Variants in EDA observed in about 807,000 individuals in gnomAD.
EDA encodes ectodysplasin-A.
A neutral mutation model predicts 23.6 loss-of-function variants in EDA; 2 were observed. The ratio of observed to expected loss-of-function variants is 0.08; its 90% CI spans 0.03 to 0.27. The LOEUF (loss-of-function observed/expected upper bound fraction) is 0.27. EDA is among the 10% of genes least tolerant of loss of function. EDA has a pLI of 1.00. For synonymous variants in EDA, 131 were observed against 132.0 expected (o/e 0.99, Z 0.05); for missense variants, 229 against 324.2 (o/e 0.71, Z 2.26).
At chrX:69,669,153 G>A (rs1933793602) in intron 1 of EDA, among the ~76,000 whole-genome samples, 1 of 110,064 alleles carries the variant, frequency 9.1e-6, no homozygotes, top group African/African-American at 3.3e-5. Flanking sequence ...TTTGCTTTCA[G>A]CCTATGGCCT....
intron 1 of EDA, among the ~76,000 whole-genome samples, chrX:69,874,699 A>G (rs912683315): frequency 1.8e-5 from 2 of 111,505 alleles, no homozygotes; most frequent in Non-Finnish European, 3.8e-5. Context: ...AGAGGATGTC[A>G]CTGTTTACTG....
chrX:69,720,738 T>G (rs1343787950), intron 1 of EDA, among the ~76,000 whole-genome samples: 1 of 112,738 alleles, frequency 8.9e-6, no homozygotes, highest in East Asian at 2.8e-4. Flanking sequence ...ATTTCTTTGC[T>G]GCATTTTTCC....
At position 69,977,505 on chromosome X, in the gene EDA, C is replaced by T. The variant is rs1179272601; in HGVS notation, c.502+20373C>T. 3.6e-5 allele frequency among the ~76,000 whole-genome samples: 4 copies of T among 111,497 alleles called. No individual in the cohort carries two copies. In the Admixed American group the frequency reaches 3.8e-4, roughly 11 times the overall value. On this transcript the variant is annotated intron_variant, in intron 2 of 7. Transcript: ENST00000374552. ...TATTAACAAAATTATTACCTAGAAC[C>T]CATTTGCCCCAAACTCTACCTAGGT...
At chrX:69,763,281 T>C (rs1366604288) in intron 1 of EDA, among the ~76,000 whole-genome samples, 2 of 112,382 alleles carry the variant, frequency 1.8e-5, no homozygotes, top group African/African-American at 6.5e-5. Context: ...ATATCCATTT[T>C]AGACTGGCCT....
At chrX:69,851,282 TCA>T (rs1383144114) in intron 1 of EDA, among the ~76,000 whole-genome samples, 6,642 of 110,922 alleles carry the variant, frequency 0.06, 202 homozygotes, top group Middle Eastern at 0.093. Context: ...TCAGGTCTTC[TCA>T]CCCTGCTCAA....
chrX:69,616,379 G>T lies in EDA; in HGVS notation c.71G>T (p.Gly24Val), dbSNP rs368195291. The change falls in exon 1 of 8, where the codon GGC (glycine) becomes GTC (valine). Residue 24 changes from glycine (G) to valine (V), a missense_variant. Transcript: ENST00000374552. Reference sequence around the variant, plus strand: ...GCGCCGCGGGAGCGAGGGAGCCAGGGCTGCGGGTGTGGCGGGGCCCCTGCC... The same window carrying T: ...GCGCCGCGGGAGCGAGGGAGCCAGGTCTGCGGGTGTGGCGGGGCCCCTGCC... ...AAAPRERGSQGCGCGGAPARA... is the reference protein window; with the variant it reads ...AAAPRERGSQVCGCGGAPARA... 2 of 1,208,058 alleles carry T rather than the reference G, an allele frequency of 1.7e-6. No homozygotes were observed. The highest frequency in any genetic ancestry group is 1.7e-5 in the African/African-American group (1 of 57,578).
In EDA at chrX:69,679,693, T is replaced by C. The variant is rs750415245; in HGVS notation, c.396+62989T>C. Reference sequence around the variant, plus strand: ...CCTCTTTATCATTTTTTATTGCGTCTATTTGATTCTTCTCTCTTTTTTTCT... The same window carrying C: ...CCTCTTTATCATTTTTTATTGCGTCCATTTGATTCTTCTCTCTTTTTTTCT... On this transcript the variant is annotated intron_variant, in intron 1 of 7. Transcript: ENST00000374552. Among the ~76,000 whole-genome samples, 5 of 111,929 alleles carry C rather than the reference T, an allele frequency of 4.5e-5. No individual in the cohort carries two copies. The South Asian group carries it at 1.9e-3, about 42-fold the overall frequency.
chrX:69,793,933 G>A (rs946434326), intron 1 of EDA, among the ~76,000 whole-genome samples: 11 of 111,396 alleles, frequency 9.9e-5, no homozygotes, highest in African/African-American at 1.6e-4. Context: ...CTGGCAAAAC[G>A]TCTTTACATG....
chrX:69,651,669 G>C (rs1933109464), intron 1 of EDA, among the ~76,000 whole-genome samples: 2 of 111,611 alleles, frequency 1.8e-5, no homozygotes, highest in South Asian at 7.5e-4. Context: ...TGGCATGGTA[G>C]GATGGAACAG....
intron 1 of EDA, among the ~76,000 whole-genome samples, chrX:69,876,963 A>G (rs2017655418): frequency 8.9e-6 from 1 of 112,058 alleles, no homozygotes; most frequent in African/African-American, 3.2e-5. Context: ...GAGTAGCACT[A>G]CTGGGTTGTA....
intron 1 of EDA, among the ~76,000 whole-genome samples, chrX:69,643,090 A>G (rs1381292600): frequency 2.7e-5 from 3 of 111,319 alleles, no homozygotes; most frequent in African/African-American, 9.8e-5. Flanking sequence ...GCCCAATGAG[A>G]GCAAAGACTA....
chrX:69,859,967 A>G (rs2017345364), intron 1 of EDA, among the ~76,000 whole-genome samples: 1 of 100,418 alleles, frequency 1.0e-5, no homozygotes, highest in African/African-American at 3.5e-5. Context: ...ACCCTTTACC[A>G]TTATATAATG....
chrX:69,956,305 T>TTCTTTCTTTC (rs1491402798), intron 1 of EDA, among the ~76,000 whole-genome samples: 1 of 59,369 alleles, frequency 1.7e-5, no homozygotes, highest in South Asian at 5.8e-4. Context: ...CTTTCTTTCT[T>TTCTTTCTTTC]TCTTTCTCTT....
At chrX:69,723,200 G>A (rs2012656707) in intron 1 of EDA, among the ~76,000 whole-genome samples, 1 of 111,996 alleles carries the variant, frequency 8.9e-6, no homozygotes, top group Non-Finnish European at 1.9e-5. Context: ...TTACTGAGTA[G>A]TAAACGCAAA....
chrX:69,758,421 T>A (rs1247098106), intron 1 of EDA, among the ~76,000 whole-genome samples: 1 of 112,152 alleles, frequency 8.9e-6, no homozygotes, highest in African/African-American at 3.2e-5. Flanking sequence ...CTTATAGAAT[T>A]TATAGATTAT....
intron 1 of EDA, among the ~76,000 whole-genome samples, chrX:69,783,773 G>A (rs1052428777): frequency 9.1e-6 from 1 of 110,013 alleles, no homozygotes; most frequent in African/African-American, 3.3e-5. Context: ...TGTCTTTATA[G>A]CAGCATGATT....
chrX:69,830,219 A>G (rs1272528037), intron 1 of EDA, among the ~76,000 whole-genome samples: 1 of 111,906 alleles, frequency 8.9e-6, no homozygotes, highest in Non-Finnish European at 1.9e-5. Context: ...CAATAAATGA[A>G]TTCTTAAATT....
At chrX:69,873,344 A>T (rs1047044602) in intron 1 of EDA, among the ~76,000 whole-genome samples, 5 of 112,091 alleles carry the variant, frequency 4.5e-5, no homozygotes, top group African/African-American at 1.6e-4. Context: ...AGAACTGGAG[A>T]AACAAGAACA....
chrX:69,741,198 A>G (rs1331615099), intron 1 of EDA, among the ~76,000 whole-genome samples: 2 of 110,830 alleles, frequency 1.8e-5, no homozygotes, highest in African/African-American at 6.6e-5. Context: ...AGCTTCCCTA[A>G]GACAGTTTCT....
Sources: allele counts gnomAD v4.1 joint callset (sites outside exome capture counted in the v4.1 genomes callset), GRCh38; gene constraint gnomAD v4.1.1; transcripts MANE v1.5; gene names NCBI Gene and HGNC (gene_info 2026-07-23, HGNC 2026-07-21).